The following PTPRS variants were observed in gnomAD, a reference collection of about 807,000 sequenced individuals.
The protein encoded by PTPRS is protein tyrosine phosphatase receptor type S.
Under a neutral mutation model 215.3 loss-of-function variants are expected in PTPRS, and 63 were observed. The observed-to-expected ratio is 0.29, with a 90% CI of 0.24 to 0.36. The LOEUF (loss-of-function observed/expected upper bound fraction) is 0.36, where lower values mean the gene tolerates loss of function less well. Ranked by LOEUF, PTPRS falls within the 10% of genes least tolerant of loss-of-function variation. The pLI is 1.00. For synonymous variants in PTPRS, 1,404 were observed against 1,191.4 expected (o/e 1.18, Z -3.68); for missense variants, 2,258 against 2,825.8 (o/e 0.80, Z 4.56).
rs983700919 is a variant in PTPRS, at chr19:5,295,473, C to T, written c.-94-9239G>A. Among the ~76,000 whole-genome samples, 2 of 152,068 alleles carry T rather than the reference C, an allele frequency of 1.3e-5. No homozygotes were observed. Among genetic ancestry groups the T allele is most frequent in the African/African-American group, 4.8e-5 (2 of 41,436 alleles). ...GGGGGAGGTGGGCCAGGTGCCCTCCCCCTTGGCTGGGTGGCCCCATCAGCA... is the reference window on the plus strand; with the variant it reads ...GGGGGAGGTGGGCCAGGTGCCCTCCTCCTTGGCTGGGTGGCCCCATCAGCA... On this transcript the variant is annotated intron_variant, in intron 1 of 37. Coordinates refer to ENST00000262963, the MANE Select transcript of PTPRS (RefSeq NM_002850.4). The surrounding 1 kb of genome is among the most constrained non-coding windows in gnomAD (Gnocchi z 4.6).
Position 5,276,533 on chromosome 19 carries a change from G to GT in PTPRS, c.92-2190dup, listed in dbSNP as rs4011135. On this transcript the variant is annotated intron_variant, in intron 2 of 37. Transcript: ENST00000262963. ...CCACTGCGCCTGGCCTGGAGTACGTGTTTTTTTTTTGTTTTTGTTTTTTTT... is the reference window on the plus strand; with the variant it reads ...CCACTGCGCCTGGCCTGGAGTACGTGTTTTTTTTTTTGTTTTTGTTTTTTTT... 9.3e-5 allele frequency among the ~76,000 whole-genome samples: 14 copies of GT among 150,524 alleles called. No individual in the cohort carries two copies. The East Asian group carries it at 1.8e-3, about 19-fold the overall frequency.
rs1263912912 is a variant in PTPRS at position 5,220,306 on chromosome 19, T to C, written c.3503A>G (p.Gln1168Arg). ...TGGGCTACCCAGCGGGGTCAGGAAT[T>C]GGCCTCCACGAGACTTGCGCAGTGG... ...MVPLRKSRGG[Q>R]FLTPLGSPED... The change falls in exon 21 of 38, where the codon CAA becomes CGA. Residue 1168 changes from glutamine (Q) to arginine (R), a missense_variant. Physicochemically the swap from Gln to Arg is conservative, Grantham distance 43. Around this residue, in one of 6 missense-constraint regions of PTPRS, gnomAD observed 927 missense variants for 1,125.9 expected, o/e 0.82. Transcript: ENST00000262963. The C allele has an allele frequency of 6.2e-7, 1 of 1,614,114 alleles. No homozygotes were observed. The highest frequency in any genetic ancestry group is 8.5e-7 in the Non-Finnish European group (1 of 1,180,024).
At chr19:5,304,955 G>T (rs1355305210) in intron 1 of PTPRS, among the ~76,000 whole-genome samples, 1 of 149,582 alleles carries the variant, frequency 6.7e-6, no homozygotes, top group African/African-American at 2.5e-5. Flanking sequence ...GGCTGGTGAG[G>T]GGGGGTGGGG....
At chr19:5,333,634 C>T (rs77235568) in intron 1 of PTPRS, among the ~76,000 whole-genome samples, 1,938 of 152,090 alleles carry the variant, frequency 0.013, 99 homozygotes, top group South Asian at 0.12. Flanking sequence ...CACAAAGCAG[C>T]AGGTGCCACT....
intron 1 of PTPRS, among the ~76,000 whole-genome samples, chr19:5,296,666 CGAG>C (rs1279170384): frequency 1.5e-5 from 2 of 131,950 alleles, no homozygotes; most frequent in African/African-American, 5.6e-5. Context: ...GGAGGAATGG[CGAG>C]GAGGCCAGTG....
intron 11 of PTPRS, among the ~76,000 whole-genome samples, chr19:5,241,452 T>A (rs1431166491): frequency 6.6e-6 from 1 of 151,040 alleles, no homozygotes; most frequent in Non-Finnish European, 1.5e-5. Context: ...CTCAGCTAAT[T>A]TTAAAATTTT....
At chr19:5,281,011 C>T (rs938171790) in intron 2 of PTPRS, among the ~76,000 whole-genome samples, 1 of 151,672 alleles carries the variant, frequency 6.6e-6, no homozygotes, top group Non-Finnish European at 1.5e-5. Context: ...AGGCTGGTCG[C>T]GAACTCCTGA....
At chr19:5,256,800 G>A (rs537508153) in intron 8 of PTPRS, among the ~76,000 whole-genome samples, 2 of 152,072 alleles carry the variant, frequency 1.3e-5, no homozygotes, top group East Asian at 1.9e-4. Flanking sequence ...CAAAACCCCA[G>A]GTCCAGGACC....
intron 1 of PTPRS, among the ~76,000 whole-genome samples, chr19:5,290,005 A>G (rs2048677710): frequency 6.6e-6 from 1 of 152,256 alleles, no homozygotes; most frequent in African/African-American, 2.4e-5. Context: ...AGTCAGGTGC[A>G]GTAATCTGCA....
At chr19:5,227,592 TA>T (rs1156619349) in intron 16 of PTPRS, among the ~76,000 whole-genome samples, 1 of 151,656 alleles carries the variant, frequency 6.6e-6, no homozygotes, top group African/African-American at 2.4e-5. Context: ...GTATTTTTAG[TA>T]GAGACAGGGT....
In PTPRS at chr19:5,244,733, G is replaced by A. The variant is rs982011460; in HGVS notation, c.989-251C>T. Among the ~76,000 whole-genome samples the A allele has an allele frequency of 6.6e-6, 1 of 152,054 alleles. No homozygotes were observed. Among genetic ancestry groups the A allele is most frequent in the African/African-American group, 2.4e-5 (1 of 41,400 alleles). On this transcript the variant is annotated intron_variant, in intron 10 of 37. Coordinates refer to ENST00000262963, the MANE Select transcript of PTPRS (RefSeq NM_002850.4). This position sits in a 1 kb window ranked among gnomAD's most constrained non-coding sequence, Gnocchi z 7.2. ...CTCACTCTGTCACCCACAGTGGCACGATCTCGGCTCACTGCAAGCTCCGTC... is the reference window on the plus strand; with the variant it reads ...CTCACTCTGTCACCCACAGTGGCACAATCTCGGCTCACTGCAAGCTCCGTC...
intron 13 of PTPRS, among the ~76,000 whole-genome samples, chr19:5,235,124 G>A (rs1045297128): frequency 5.3e-5 from 8 of 151,714 alleles, no homozygotes; most frequent in Non-Finnish European, 1.0e-4. Context: ...GTATTTTTAG[G>A]GGAGACGGAT....
chr19:5,312,406 C>T (rs189470836), intron 1 of PTPRS, among the ~76,000 whole-genome samples: 252 of 151,702 alleles, frequency 1.7e-3, no homozygotes, highest in African/African-American at 5.8e-3. Flanking sequence ...CACACCTGTA[C>T]CCTAGTGCTT....
At chr19:5,317,714 A>C (rs2049915496) in intron 1 of PTPRS, among the ~76,000 whole-genome samples, 1 of 152,092 alleles carries the variant, frequency 6.6e-6, no homozygotes, top group Admixed American at 6.6e-5. Flanking sequence ...TAGATCTTTA[A>C]AGTAAGAGGG....
At chr19:5,229,421 G>A (rs1442706540) in intron 15 of PTPRS, 70 bp downstream of exon 15, 4 of 1,362,884 alleles carry the variant, frequency 2.9e-6, no homozygotes, top group African/African-American at 1.5e-5. Flanking sequence ...GAGAAGCAGA[G>A]GTGGGGGGAG....
chr19:5,259,864 C>T (rs887127226), intron 7 of PTPRS, among the ~76,000 whole-genome samples: 26 of 152,198 alleles, frequency 1.7e-4, no homozygotes, highest in African/African-American at 6.3e-4. Flanking sequence ...CCCCATAGAG[C>T]ACTGCCTATT....
chr19:5,258,580 G>A (rs1420094379), intron 7 of PTPRS, among the ~76,000 whole-genome samples: 1 of 152,190 alleles, frequency 6.6e-6, no homozygotes, highest in Non-Finnish European at 1.5e-5. Context: ...GGGAGCTGGT[G>A]GTTGCTTTGT....
intron 9 of PTPRS, among the ~76,000 whole-genome samples, chr19:5,250,478 G>C (rs2044904083): frequency 6.6e-6 from 1 of 152,128 alleles, no homozygotes; most frequent in Non-Finnish European, 1.5e-5. Flanking sequence ...GGCCCCGCGG[G>C]ACCCCCGCCC....
intron 7 of PTPRS, among the ~76,000 whole-genome samples, chr19:5,258,860 C>G (rs1444954430): frequency 6.6e-6 from 1 of 152,090 alleles, no homozygotes; most frequent in Non-Finnish European, 1.5e-5. Context: ...CAGAATTTCC[C>G]CAAGTATTTT....
Sources: gnomAD v4.1 joint callset for allele counts (sites outside exome capture counted in the v4.1 genomes callset) on GRCh38, gnomAD v4.1.1 for gene constraint, gnomAD v4.1.1 regional missense constraint, Gnocchi (gnomAD v3.1) non-coding constraint, MANE v1.5 for transcripts, NCBI Gene and HGNC (gene_info 2026-07-23, HGNC 2026-07-21) for gene names.